LEKR1: variants seen among roughly 807,000 people sequenced by gnomAD.
LEKR1 encodes leucine, glutamate and lysine rich 1.
LEKR1 carries 59 observed loss-of-function variants against 72.4 expected under a neutral mutation model. The ratio of observed to expected loss-of-function variants is 0.82; its 90% confidence interval spans 0.66 to 1.01. LEKR1 has a LOEUF of 1.01. LEKR1 is among the 50% of genes least tolerant of loss of function. LEKR1 has a pLI of 0.00. For missense variants in LEKR1, 728 were observed against 759.2 expected, an observed-to-expected ratio of 0.96 and a Z score of 0.48; for synonymous variants, 257 against 263.2, an observed-to-expected ratio of 0.98 and a Z score of 0.23.
At chr3:157,006,953 G>A (rs1732489052) in intron 9 of LEKR1, among the ~76,000 whole-genome samples, 1 of 152,200 alleles carries the variant, frequency 6.6e-6, no homozygotes, top group Non-Finnish European at 1.5e-5. Flanking sequence ...TGTAATCCCA[G>A]CACTTTGGGA....
intron 6 of LEKR1, among the ~76,000 whole-genome samples, chr3:156,971,558 AC>A (rs1274142786): frequency 1.3e-5 from 2 of 152,224 alleles, no homozygotes; most frequent in Non-Finnish European, 2.9e-5. Context: ...CAGGCAACCT[AC>A]AAAATGGGAG....
chr3:156,893,054 G>T (rs1357683474), intron 3 of LEKR1, among the ~76,000 whole-genome samples: 1 of 152,134 alleles, frequency 6.6e-6, no homozygotes, highest in Non-Finnish European at 1.5e-5. Flanking sequence ...GTTCTTGAGG[G>T]GCTCTGGAAT....
chr3:156,872,540 C>T (rs566604412), intron 3 of LEKR1, among the ~76,000 whole-genome samples: 5 of 151,942 alleles, frequency 3.3e-5, no homozygotes, highest in African/African-American at 4.8e-5. Context: ...GCTAGATTAT[C>T]GATTTGAAAT....
At chr3:156,962,626 T>A (rs1728222914) in intron 6 of LEKR1, among the ~76,000 whole-genome samples, 1 of 152,212 alleles carries the variant, frequency 6.6e-6, no homozygotes, top group South Asian at 2.1e-4. Flanking sequence ...TGCCTTTTCA[T>A]TTGCTCCCAA....
At chr3:157,009,456 A>G (rs1732722293) in intron 9 of LEKR1, among the ~76,000 whole-genome samples, 1 of 152,144 alleles carries the variant, frequency 6.6e-6, no homozygotes, top group Non-Finnish European at 1.5e-5. Flanking sequence ...GAAATTAGCT[A>G]AAACTTACTT....
At chr3:156,971,670 AG>A (rs1729211351) in intron 6 of LEKR1, among the ~76,000 whole-genome samples, 1 of 152,220 alleles carries the variant, frequency 6.6e-6, no homozygotes, top group Admixed American at 6.5e-5. Context: ...CCCATCAAAA[AG>A]TGGGCGAAGG....
intron 3 of LEKR1, among the ~76,000 whole-genome samples, chr3:156,906,848 G>A (rs959180328): frequency 1.3e-5 from 2 of 152,014 alleles, no homozygotes; most frequent in Non-Finnish European, 2.9e-5. Flanking sequence ...GTTTCAATGT[G>A]CATGTTTTTT....
At chr3:156,989,003 T>C (rs1166020058) in intron 7 of LEKR1, among the ~76,000 whole-genome samples, 2 of 152,084 alleles carry the variant, frequency 1.3e-5, no homozygotes, top group Admixed American at 6.6e-5. Context: ...GGCTAATTTT[T>C]TGTATTTTTA....
chr3:156,932,723 A>G (rs13086340), intron 5 of LEKR1, among the ~76,000 whole-genome samples: 82,118 of 142,436 alleles, frequency 0.58, 24,930 homozygotes, highest in East Asian at 0.73. Flanking sequence ...AAAAAAAAAA[A>G]GGGTATCTAT....
intron 3 of LEKR1, among the ~76,000 whole-genome samples, chr3:156,882,079 A>G (rs1397721304): frequency 2.1e-5 from 3 of 142,076 alleles, no homozygotes; most frequent in Non-Finnish European, 4.6e-5. Context: ...ACCATTCAGG[A>G]CATAGGCATG....
intron 3 of LEKR1, among the ~76,000 whole-genome samples, chr3:156,906,852 G>GT (rs770288717): frequency 3.9e-5 from 6 of 152,140 alleles, no homozygotes; most frequent in Non-Finnish European, 7.4e-5. Flanking sequence ...CAATGTGCAT[G>GT]TTTTTTAAAA....
intron 12 of LEKR1, among the ~76,000 whole-genome samples, chr3:157,045,101 T>C (rs989298882): frequency 6.6e-5 from 10 of 152,146 alleles, no homozygotes; most frequent in Non-Finnish European, 1.5e-4. Context: ...TCTCTGTAGT[T>C]CTTGACTCCT....
At chr3:156,844,927 A>G (rs1317635860) in intron 2 of LEKR1, among the ~76,000 whole-genome samples, 1 of 148,032 alleles carries the variant, frequency 6.8e-6, no homozygotes, top group Non-Finnish European at 1.5e-5. Flanking sequence ...TTTTTTAAAG[A>G]CACTACTAAA....
chr3:156,849,978 A>G (rs1351751253), intron 2 of LEKR1, among the ~76,000 whole-genome samples: 4 of 152,232 alleles, frequency 2.6e-5, no homozygotes, highest in Non-Finnish European at 5.9e-5. Flanking sequence ...GGCAACCTAC[A>G]CAATGGGAGA....
In LEKR1 at chr3:156,993,199, T is replaced by G; in HGVS notation, c.1031T>G (p.Leu344Arg). ...QEEDIKRRINLAENELEITKT... is the reference protein window; with the variant it reads ...QEEDIKRRINRAENELEITKT... ...GAAGACATAAAGAGAAGAATTAACC[T>G]TGCAGAAAATGAACTGGAGATAACC... The change falls in exon 9 of 13, where the codon CTT (leucine) becomes CGT (arginine). Residue 344 changes from leucine (L) to arginine (R), a missense_variant. Leu to Arg is a moderately radical substitution (Grantham distance 102). Coordinates refer to ENST00000356539, the MANE Select transcript of LEKR1 (RefSeq NM_001004316.3). 1 of 1,612,590 alleles carries G rather than the reference T, an allele frequency of 6.2e-7. No homozygotes were observed.
Position 156,978,341 on chromosome 3 carries a change from C to T in LEKR1, c.746-853C>T, listed in dbSNP as rs191718255. 3.3e-5 allele frequency among the ~76,000 whole-genome samples: 5 copies of T among 152,272 alleles called. No homozygotes were observed. In the East Asian group the frequency reaches 9.6e-4, roughly 29 times the overall value. ...TTACTATTAAAATATGTCACTGAAACACCTGAACAGATGGAACATAGAAAT... is the reference window on the plus strand; with the variant it reads ...TTACTATTAAAATATGTCACTGAAATACCTGAACAGATGGAACATAGAAAT... On this transcript the variant is annotated intron_variant, in intron 6 of 12. Transcript: ENST00000356539.
At chr3:156,966,978 G>A (rs1728668995) in intron 6 of LEKR1, among the ~76,000 whole-genome samples, 1 of 152,168 alleles carries the variant, frequency 6.6e-6, no homozygotes, top group Non-Finnish European at 1.5e-5. Context: ...ACAAATATAT[G>A]CTGTTCTGCA....
intron 3 of LEKR1, among the ~76,000 whole-genome samples, chr3:156,916,104 G>A (rs1437847278): frequency 6.6e-6 from 1 of 152,000 alleles, no homozygotes; most frequent in Non-Finnish European, 1.5e-5. Flanking sequence ...TCTCTCTTCT[G>A]TTTCATTGAT....
intron 12 of LEKR1, among the ~76,000 whole-genome samples, chr3:157,031,214 T>C (rs1413952169): frequency 2.0e-5 from 3 of 152,186 alleles, no homozygotes; most frequent in African/African-American, 7.2e-5. Flanking sequence ...CAGTTGGAAC[T>C]CTTCCTGCTC....
Sources: gnomAD v4.1 joint callset for allele counts (sites outside exome capture counted in the v4.1 genomes callset) on GRCh38, gnomAD v4.1.1 for gene constraint, MANE v1.5 for transcripts, NCBI Gene and HGNC (gene_info 2026-07-23, HGNC 2026-07-21) for gene names.